TMEM273: variants seen among roughly 807,000 people sequenced by gnomAD.
TMEM273 encodes transmembrane protein 273, also known as chromosome 10 open reading frame 128.
In TMEM273, 19 loss-of-function variants were observed where a neutral mutation model predicts 17.9. The ratio of observed to expected loss-of-function variants is 1.06; its 90% confidence interval spans 0.74 to 1.55. TMEM273 has a LOEUF of 1.55. Ranked by LOEUF, TMEM273 falls within the 40% of genes most tolerant of loss-of-function variation. TMEM273 has a pLI of 0.00. For synonymous variants in TMEM273, 66 were observed against 62.0 expected, an observed-to-expected ratio of 1.07 and a Z score of -0.31; for missense variants, 194 against 155.6, an observed-to-expected ratio of 1.25 and a Z score of -1.31.
At chr10:49,176,350 G>C (rs886260916) in intron 1 of TMEM273, among the ~76,000 whole-genome samples, 4 of 152,220 alleles carry the variant, frequency 2.6e-5, no homozygotes, top group Admixed American at 2.6e-4. Context: ...GCTGTTTCGA[G>C]AAATGGCCAA....
intron 5 of TMEM273, among the ~76,000 whole-genome samples, chr10:49,162,270 G>A (rs1845891969): frequency 6.6e-6 from 1 of 152,136 alleles, no homozygotes; most frequent in South Asian, 2.1e-4. Context: ...GTGTGTCAGA[G>A]TCCATCATGA....
rs147061391 is a variant in TMEM273, at chr10:49,183,860, A to G, written c.43+4434T>C. On this transcript the variant is annotated intron_variant, in intron 1 of 6. Coordinates refer to ENST00000374153, the MANE Select transcript of TMEM273 (RefSeq NM_001288740.3). Reference sequence around the variant, plus strand: ...GGAAAGAGTGTTACATGTAAGAGGAAGTGAATTAAGGGCCAAAATGATTCT... The same window carrying G: ...GGAAAGAGTGTTACATGTAAGAGGAGGTGAATTAAGGGCCAAAATGATTCT... Among the ~76,000 whole-genome samples, 56 of 152,272 alleles carry G rather than the reference A, an allele frequency of 3.7e-4. No homozygotes were observed. The East Asian group carries it at 7.7e-3, about 21-fold the overall frequency.
At chr10:49,175,657 G>A (rs1846904231) in intron 1 of TMEM273, among the ~76,000 whole-genome samples, 1 of 152,264 alleles carries the variant, frequency 6.6e-6, no homozygotes, top group South Asian at 2.1e-4. Context: ...AGGGGTGGAG[G>A]CGGAGAGCTG....
chr10:49,180,922 G>C (rs528847508), intron 1 of TMEM273, among the ~76,000 whole-genome samples: 1 of 152,144 alleles, frequency 6.6e-6, no homozygotes, highest in Non-Finnish European at 1.5e-5. Context: ...TGTCAGCCTA[G>C]TAAGATGAGA....
intron 6 of TMEM273, among the ~76,000 whole-genome samples, chr10:49,158,918 T>A (rs1845676569): frequency 6.6e-6 from 1 of 152,196 alleles, no homozygotes; most frequent in South Asian, 2.1e-4. Flanking sequence ...GATATATACA[T>A]CTATATGTAA....
chr10:49,175,405 G>A lies in TMEM273; in HGVS notation c.44-7443C>T, dbSNP rs1846887307. On this transcript the variant is annotated intron_variant, in intron 1 of 6. Transcript: ENST00000374153. ...CAGGAACGAGAAGCAGGAGGCCACGGAGGGCCATGCAGAGGCCACCCCAGG... is the reference window on the plus strand; with the variant it reads ...CAGGAACGAGAAGCAGGAGGCCACGAAGGGCCATGCAGAGGCCACCCCAGG... Among the ~76,000 whole-genome samples, 3 of 152,220 alleles carry A rather than the reference G, an allele frequency of 2.0e-5. No homozygotes were observed. The South Asian group carries it at 6.2e-4, about 31-fold the overall frequency.
In TMEM273 at chr10:49,186,092, A is replaced by AGAAGGAGAAGAAGAAGAG. The variant is rs1564652229; in HGVS notation, c.43+2201_43+2202insCTCTTCTTCTTCTCCTTC. ...AGGAAGAAGAAGAAGAAGAAGAAGA[A>AGAAGGAGAAGAAGAAGAG]GAAGAAGAAGAAGAAGAGGAAGAAG... On this transcript the variant is annotated intron_variant, in intron 1 of 6. Coordinates refer to ENST00000374153, the MANE Select transcript of TMEM273 (RefSeq NM_001288740.3). Among the ~76,000 whole-genome samples the AGAAGGAGAAGAAGAAGAG allele has an allele frequency of 4.0e-3, 594 of 149,310 alleles. 5 individuals carry two copies. The highest frequency in any genetic ancestry group is 0.013 in the African/African-American group (534 of 39,896).
chr10:49,167,826 A>C (rs1395857803), intron 2 of TMEM273, 83 bp downstream of exon 2: 4 of 1,553,472 alleles, frequency 2.6e-6, no homozygotes, highest in Admixed American at 3.4e-5. Context: ...CAATTCCAGC[A>C]CTGCGGCCCT....
Position 49,165,787 on chromosome 10 carries a change from G to C in TMEM273, c.248C>G (p.Pro83Arg). Reference sequence around the variant, plus strand: ...TTACCTTGGGGCTCTCTTCTTTAGCGGGATGGTGTCTAAACAGAGAAAGCC... The same window carrying C: ...TTACCTTGGGGCTCTCTTCTTTAGCCGGATGGTGTCTAAACAGAGAAAGCC... ...STPGGLSDTI[P>R]LKKRAPRKLQ... The change falls in exon 4 of 7, where the codon CCG becomes CGG. Residue 83 changes from proline to arginine, a missense_variant. Physicochemically the swap from Pro to Arg is moderately radical, Grantham distance 103. Coordinates refer to ENST00000374153, the MANE Select transcript of TMEM273 (RefSeq NM_001288740.3). 1 of 1,614,082 alleles carries C rather than the reference G, an allele frequency of 6.2e-7. No individual in the cohort carries two copies. Among genetic ancestry groups the C allele is most frequent in the Non-Finnish European group, 8.5e-7 (1 of 1,180,004 alleles).
intron 1 of TMEM273, 114 bp from the exon 2 acceptor site, chr10:49,168,076 G>T: frequency 7.8e-7 from 1 of 1,276,368 alleles, no homozygotes; most frequent in Non-Finnish European, 1.1e-6. Context: ...GAGCACAGAG[G>T]TGGGCTCCCA....
At chr10:49,159,492 T>G (rs1438464033) in intron 6 of TMEM273, among the ~76,000 whole-genome samples, 1 of 151,658 alleles carries the variant, frequency 6.6e-6, no homozygotes. Context: ...AAAAGCAGGG[T>G]TTTTACTTTG....
intron 6 of TMEM273, 62 bp downstream of exon 6, chr10:49,161,537 G>A (rs1463377611): frequency 6.2e-7 from 1 of 1,609,830 alleles, no homozygotes; most frequent in South Asian, 1.1e-5. Flanking sequence ...AACCCATGCA[G>A]CCCCATGGGG....
intron 1 of TMEM273, among the ~76,000 whole-genome samples, chr10:49,175,264 G>C (rs1846875766): frequency 6.6e-6 from 1 of 152,186 alleles, no homozygotes; most frequent in South Asian, 2.1e-4. Flanking sequence ...TTTCAGAAAA[G>C]CAGAGGGGAG....
In TMEM273 at chr10:49,165,832, G is replaced by A. The variant is rs374736423; in HGVS notation, c.239-36C>T. ...AAAGCCGGGCATTAGGAAGGGGGTC[G>A]TGTGACAAGAGGTGCAGAGCATTCC... On this transcript the variant is annotated intron_variant, in intron 3 of 6. Coordinates refer to ENST00000374153, the MANE Select transcript of TMEM273 (RefSeq NM_001288740.3). The A allele has an allele frequency of 8.7e-5, 141 of 1,613,606 alleles. No individual in the cohort carries two copies. The East Asian group carries it at 1.7e-3, about 19-fold the overall frequency.
chr10:49,168,664 G>A (rs1033611072), intron 1 of TMEM273, among the ~76,000 whole-genome samples: 4 of 134,984 alleles, frequency 3.0e-5, no homozygotes, highest in African/African-American at 1.1e-4. Flanking sequence ...ATGGAAGGAA[G>A]GAAGGAAGAA....
At chr10:49,164,360 C>A (rs1009793310) in intron 5 of TMEM273, among the ~76,000 whole-genome samples, 7 of 152,182 alleles carry the variant, frequency 4.6e-5, no homozygotes, top group Non-Finnish European at 1.0e-4. Flanking sequence ...TTTCCATTGC[C>A]TCCACCTGGA....
At chr10:49,175,831 G>A (rs1022919327) in intron 1 of TMEM273, among the ~76,000 whole-genome samples, 3 of 152,234 alleles carry the variant, frequency 2.0e-5, no homozygotes, top group Non-Finnish European at 2.9e-5. Flanking sequence ...TCTGGAACAA[G>A]GAGGAGCCTG....
chr10:49,158,917 A>C (rs1221229895), intron 6 of TMEM273, among the ~76,000 whole-genome samples: 1 of 152,240 alleles, frequency 6.6e-6, no homozygotes. Context: ...AGATATATAC[A>C]TCTATATGTA....
At chr10:49,161,737 G>A (rs1190029743) in intron 5 of TMEM273, 115 bp from the exon 6 acceptor site, 5 of 1,319,610 alleles carry the variant, frequency 3.8e-6, no homozygotes, top group Non-Finnish European at 5.4e-6. Context: ...TTTTGGGTCT[G>A]ACTTCCTCAT....
Sources: gnomAD v4.1 joint callset for allele counts (sites outside exome capture counted in the v4.1 genomes callset) on GRCh38, gnomAD v4.1.1 for gene constraint, MANE v1.5 for transcripts, NCBI Gene and HGNC (gene_info 2026-07-23, HGNC 2026-07-21) for gene names.